Variants in CSF1R observed in about 807,000 individuals in gnomAD.
The protein encoded by CSF1R is colony stimulating factor 1 receptor.
In CSF1R, 40 loss-of-function variants were observed where a neutral mutation model predicts 110.0. The observed-to-expected ratio is 0.36, with a 90% confidence interval of 0.28 to 0.47. CSF1R has a LOEUF of 0.47. CSF1R is among the 20% of genes least tolerant of loss of function. CSF1R has a pLI of 0.99. For synonymous variants in CSF1R, 523 were observed against 503.4 expected (o/e 1.04, Z -0.52); for missense variants, 1,052 against 1,253.0 (o/e 0.84, Z 2.42).
At position 150,056,036 on chromosome 5, in the gene CSF1R, G is replaced by C. The variant is rs1374921783; in HGVS notation, c.2544C>G (p.Ile848Met). Residue 848 changes from isoleucine (I) to methionine (M), a missense_variant, in exon 18 of 21, where the codon ATC becomes ATG. By Grantham distance (10) the Ile-to-Met change is conservative (BLOSUM62 1). Around this residue, in one of 5 missense-constraint regions of CSF1R, gnomAD observed 74 missense variants for 187.4 expected, o/e 0.39. Coordinates refer to ENST00000675795, the MANE Select transcript of CSF1R (RefSeq NM_001288705.3). ...GGCCCAGTGGCTCACCAAGTGAGAA[G>C]ATCTCCCAGAGGAGGATGCCATAGG... Reference protein sequence around the residue: ...VWSYGILLWEIFSLGLNPYPG... With the variant: ...VWSYGILLWEMFSLGLNPYPG... 1.9e-6 allele frequency: 3 copies of C among 1,614,142 alleles called. No individual in the cohort carries two copies. The highest frequency in any genetic ancestry group is 2.5e-6 in the Non-Finnish European group (3 of 1,179,976).
intron 1 of CSF1R, among the ~76,000 whole-genome samples, chr5:150,093,050 C>T (rs1759095688): frequency 6.6e-6 from 1 of 152,092 alleles, no homozygotes; most frequent in Non-Finnish European, 1.5e-5. Context: ...GTGCAGTCTA[C>T]TCTTGTCAGG....
intron 1 of CSF1R, among the ~76,000 whole-genome samples, chr5:150,081,823 A>G (rs1267504306): frequency 6.6e-6 from 1 of 152,170 alleles, no homozygotes; most frequent in Non-Finnish European, 1.5e-5. Context: ...AATTTTCTTG[A>G]AGGAGAAAAG....
chr5:150,071,057 G>A (rs1194906833), intron 6 of CSF1R, among the ~76,000 whole-genome samples: 3 of 152,190 alleles, frequency 2.0e-5, no homozygotes, highest in African/African-American at 7.2e-5. Flanking sequence ...TCTTAGACAA[G>A]TACTTAACCT....
chr5:150,112,552 T>G (rs555156474), intron 1 of CSF1R, among the ~76,000 whole-genome samples: 3 of 152,358 alleles, frequency 2.0e-5, no homozygotes, highest in Middle Eastern at 6.8e-3. Flanking sequence ...CAGAGGCTTT[T>G]GCACCAGCAA....
At chr5:150,061,889 C>T (rs761995520) in intron 10 of CSF1R, 40 bp from the exon 11 acceptor site, 1 of 1,612,846 alleles carries the variant, frequency 6.2e-7, no homozygotes, top group Non-Finnish European at 8.5e-7. Context: ...TCGGGGCTGG[C>T]AGGCAGTTCC....
chr5:150,105,774 G>T (rs1433199637), intron 1 of CSF1R, among the ~76,000 whole-genome samples: 1 of 152,176 alleles, frequency 6.6e-6, no homozygotes, highest in Non-Finnish European at 1.5e-5. Flanking sequence ...CGATCCTCCT[G>T]CCTTGGCTTC....
intron 1 of CSF1R, among the ~76,000 whole-genome samples, chr5:150,092,293 AGCAG>A (rs1759069995): frequency 6.6e-6 from 1 of 152,258 alleles, no homozygotes; most frequent in Non-Finnish European, 1.5e-5. Context: ...GTATATTTAT[AGCAG>A]ATTAAAAGTG....
chr5:150,077,394 G>A lies in CSF1R; in HGVS notation c.771C>T (p.Tyr257=), dbSNP rs775068499. 3 of 1,614,100 alleles carry A rather than the reference G, an allele frequency of 1.9e-6. No individual in the cohort carries two copies. Among genetic ancestry groups the A allele is most frequent in the Non-Finnish European group, 1.7e-6 (2 of 1,179,962 alleles). The change falls in exon 5 of 21, where the codon TAC becomes TAT. Residue 257 remains tyrosine, a synonymous_variant. Transcript: ENST00000675795. ...PQQSDFHNNR[Y]QKVLTLNLDQ... ...CGAGGTTGAGGGTCAGGACTTTTTG[G>A]TAACGGTTATTATGAAAGTCAGATT...
chr5:150,109,151 G>C (rs1367587775), intron 1 of CSF1R, among the ~76,000 whole-genome samples: 1 of 150,014 alleles, frequency 6.7e-6, no homozygotes, highest in African/African-American at 2.5e-5. Flanking sequence ...GCCACTCTGA[G>C]ATCTGGAACT....
chr5:150,075,575 C>A (rs1758226718), intron 5 of CSF1R, among the ~76,000 whole-genome samples: 1 of 152,198 alleles, frequency 6.6e-6, no homozygotes, highest in African/African-American at 2.4e-5. Flanking sequence ...TTGGTGAACA[C>A]CCTATCTGAA....
chr5:150,078,384 C>G (rs1561936779), intron 3 of CSF1R, 136 bp from the exon 4 acceptor site: 3 of 1,104,454 alleles, frequency 2.7e-6, no homozygotes, highest in South Asian at 3.2e-5. Flanking sequence ...TGGGAGGCAG[C>G]CTTGATGCTC....
intron 10 of CSF1R, among the ~76,000 whole-genome samples, chr5:150,065,786 T>C (rs1263114101): frequency 6.6e-6 from 1 of 152,194 alleles, no homozygotes; most frequent in Non-Finnish European, 1.5e-5. Context: ...GGCAGCTGAA[T>C]TTCCTGGACA....
intron 4 of CSF1R, 151 bp from the exon 5 acceptor site, chr5:150,077,586 C>T (rs980773446): frequency 9.6e-6 from 8 of 834,196 alleles, no homozygotes; most frequent in Non-Finnish European, 1.5e-5. Flanking sequence ...TGGCTCCCTG[C>T]CCCAAGACTG....
intron 5 of CSF1R, among the ~76,000 whole-genome samples, chr5:150,074,718 GAT>G (rs1409529106): frequency 2.6e-5 from 4 of 152,176 alleles, no homozygotes; most frequent in African/African-American, 9.6e-5. Flanking sequence ...CTTCTACACT[GAT>G]ATATGTCTAC....
chr5:150,053,979 CAG>C lies in CSF1R; in HGVS notation c.*88_*89del. On this transcript the variant is annotated 3_prime_UTR_variant, in exon 21 of 21. Transcript: ENST00000675795. ...AGCTGTTGAGTGAAATGACCGAAGG[CAG>C]AGTTTGTATGTTCTCCCCGTGTCGC... is the stretch of plus-strand genomic sequence containing the variant. 1.5e-6 allele frequency: 2 copies of C among 1,329,164 alleles called. No individual in the cohort carries two copies. The highest frequency in any genetic ancestry group is 1.9e-5 in the Admixed American group (1 of 51,384). 82.3% of individuals were successfully genotyped at this position (1,329,164 alleles called of 1,614,324 possible). A position where few individuals can be genotyped will look rare whatever the true frequency, so the allele number is the denominator to read the frequency against.
At chr5:150,060,751 A>G (rs1324460586) in intron 13 of CSF1R, 111 bp downstream of exon 13, 1 of 666,284 alleles carries the variant, frequency 1.5e-6, no homozygotes, top group Non-Finnish European at 2.6e-6. Context: ...TCCCCCTGAC[A>G]CTTGGAGCAG....
chr5:150,064,817 C>G (rs902249411), intron 10 of CSF1R, among the ~76,000 whole-genome samples: 2 of 152,124 alleles, frequency 1.3e-5, no homozygotes, highest in Admixed American at 6.5e-5. Flanking sequence ...TTTCTGGAAG[C>G]GGACCAAGCT....
At chr5:150,101,224 C>T (rs1022288069) in intron 1 of CSF1R, among the ~76,000 whole-genome samples, 21 of 152,302 alleles carry the variant, frequency 1.4e-4, no homozygotes, top group African/African-American at 4.3e-4. Flanking sequence ...TCCTTGCCTG[C>T]GGATGCTGCT....
intron 19 of CSF1R, 168 bp from the exon 20 acceptor site, chr5:150,054,598 C>T (rs2113774618): frequency 3.4e-6 from 2 of 591,152 alleles, no homozygotes; most frequent in South Asian, 4.6e-5. Flanking sequence ...TTAATCCTCA[C>T]AGTAACCCTT....
Sources: allele counts gnomAD v4.1 joint callset (sites outside exome capture counted in the v4.1 genomes callset), GRCh38; gene constraint gnomAD v4.1.1; regional missense constraint gnomAD v4.1.1; transcripts MANE v1.5; gene names NCBI Gene and HGNC (gene_info 2026-07-23, HGNC 2026-07-21).